ACOX3: variants seen among roughly 807,000 people sequenced by gnomAD.
The protein encoded by ACOX3 is acyl-CoA oxidase 3, pristanoyl.
A neutral mutation model predicts 81.5 loss-of-function variants in ACOX3; 73 were observed. That is an observed-to-expected ratio of 0.90 (90% confidence interval 0.74 to 1.09). The LOEUF (loss-of-function observed/expected upper bound fraction) is 1.09. ACOX3 is among the 50% of genes least tolerant of loss of function. The pLI is 0.00. For synonymous variants in ACOX3, 387 were observed against 375.1 expected (o/e 1.03, Z -0.37); for missense variants, 947 against 928.0 (o/e 1.02, Z -0.27).
chr4:8,422,484 G>GT (rs1266976090), intron 1 of ACOX3, among the ~76,000 whole-genome samples: 2 of 152,122 alleles, frequency 1.3e-5, no homozygotes, highest in African/African-American at 2.4e-5. Flanking sequence ...GGCAACCTCG[G>GT]TTTTTTTCAC....
intron 1 of ACOX3, among the ~76,000 whole-genome samples, chr4:8,420,971 T>C (rs991210401): frequency 2.0e-5 from 3 of 152,208 alleles, no homozygotes; most frequent in African/African-American, 7.2e-5. Flanking sequence ...CCACGGCTTC[T>C]AATAGAGCTA....
chr4:8,413,268 A>T (rs1377647119), intron 5 of ACOX3, among the ~76,000 whole-genome samples: 1 of 56,164 alleles, frequency 1.8e-5, no homozygotes, highest in African/African-American at 7.5e-5. Context: ...ACCCCTCCAC[A>T]GCACTGACAG....
chr4:8,387,713 T>G (rs185624834), intron 13 of ACOX3, among the ~76,000 whole-genome samples: 1 of 152,286 alleles, frequency 6.6e-6, no homozygotes, highest in Admixed American at 6.5e-5. Flanking sequence ...CCCAGACCAC[T>G]GGGCAAGAAG....
In ACOX3 at chr4:8,423,427, C is replaced by A. The variant is rs943472432; in HGVS notation, c.-14-6892G>T. Among the ~76,000 whole-genome samples the A allele has an allele frequency of 6.6e-6, 1 of 152,154 alleles. No homozygotes were observed. The highest frequency in any genetic ancestry group is 2.4e-5 in the African/African-American group (1 of 41,420). ...GAATGCCCGTCCCGTTCAAGTTAAACTAAAGGATTCCGCCTCCTTTCCCCA... is the reference window on the plus strand; with the variant it reads ...GAATGCCCGTCCCGTTCAAGTTAAAATAAAGGATTCCGCCTCCTTTCCCCA... On this transcript the variant is annotated intron_variant, in intron 1 of 17. Transcript: ENST00000356406. The surrounding 1 kb of genome is among the most constrained non-coding windows in gnomAD (Gnocchi z 4.2).
chr4:8,422,252 G>T (rs1723027373), intron 1 of ACOX3, among the ~76,000 whole-genome samples: 1 of 152,116 alleles, frequency 6.6e-6, no homozygotes, highest in Non-Finnish European at 1.5e-5. Context: ...GAAAGAAAGA[G>T]AGAGATATAT....
At chr4:8,378,687 A>G (rs1032603696) in intron 14 of ACOX3, among the ~76,000 whole-genome samples, 2 of 152,236 alleles carry the variant, frequency 1.3e-5, no homozygotes, top group African/African-American at 4.8e-5. Context: ...GCTGTTGAAC[A>G]TGTAAAGGTG....
At chr4:8,372,984 C>A (rs1459823972) in intron 16 of ACOX3, among the ~76,000 whole-genome samples, 2 of 152,164 alleles carry the variant, frequency 1.3e-5, no homozygotes, top group Admixed American at 6.5e-5. Context: ...CTAAACAGCA[C>A]AGCACTGCAG....
chr4:8,408,891 T>TGGGGGGG (rs200811549), intron 6 of ACOX3, among the ~76,000 whole-genome samples: 41 of 25,786 alleles, frequency 1.6e-3, no homozygotes, highest in Admixed American at 2.0e-3. Context: ...GAGCCCTCAC[T>TGGGGGGG]GGGGGGGGGG....
At chr4:8,377,264 C>A (rs1235061028) in intron 14 of ACOX3, among the ~76,000 whole-genome samples, 1 of 152,222 alleles carries the variant, frequency 6.6e-6, no homozygotes, top group Non-Finnish European at 1.5e-5. Context: ...CCGCACCACT[C>A]TCCCCGTCGC....
rs374172345 is a variant in ACOX3 at position 8,376,382 on chromosome 4, T to C, written c.1654-1230A>G. On this transcript the variant is annotated intron_variant, in intron 14 of 17. Transcript: ENST00000356406. ...AAAAATCCAGCCAAGTGATGAAATA[T>C]GGTGTATGGGGGACTGACTGCTGCA... Among the ~76,000 whole-genome samples, 7 of 150,216 alleles carry C rather than the reference T, an allele frequency of 4.7e-5. No homozygotes were observed. In the East Asian group the frequency reaches 9.8e-4, roughly 21 times the overall value.
In ACOX3 at chr4:8,389,826, T is replaced by C; in HGVS notation, c.1301-92A>G. 6.5e-7 allele frequency: 1 copy of C among 1,533,278 alleles called. No homozygotes were observed. The highest frequency in any genetic ancestry group is 8.8e-7 in the Non-Finnish European group (1 of 1,131,560). The allele number at this position is 1,533,278 out of a possible 1,614,324, so 95.0% of individuals were successfully genotyped here. On this transcript the variant is annotated intron_variant, in intron 11 of 17. Transcript: ENST00000356406. The surrounding 1 kb of genome is among the most constrained non-coding windows in gnomAD (Gnocchi z 5.3). Reference sequence around the variant, plus strand: ...GAGAATTTAAAAAGCCTTAAGAGGCTGGGTGCGGTGGCTCACACCTGTAAT... The same window carrying C: ...GAGAATTTAAAAAGCCTTAAGAGGCCGGGTGCGGTGGCTCACACCTGTAAT...
In ACOX3 at chr4:8,375,010, G is replaced by T. The variant is rs751951822; in HGVS notation, c.1796C>A (p.Ser599Tyr). 1 of 1,542,280 alleles carries T rather than the reference G, an allele frequency of 6.5e-7. No homozygotes were observed. The highest frequency in any genetic ancestry group is 8.8e-7 in the Non-Finnish European group (1 of 1,139,882). The change falls in exon 15 of 18, where the codon TCC becomes TAC. Residue 599 changes from serine (S) to tyrosine (Y), a missense_variant. Ser to Tyr is a moderately radical substitution (Grantham distance 144, BLOSUM62 -2). Coordinates refer to ENST00000356406, the MANE Select transcript of ACOX3 (RefSeq NM_003501.3). ...GRLSALYALW[S>Y]LSRHAALLYR... ...GAGCAGGGCCGCGTGGCGGCTCAGG[G>T]ACCACAGGGCGTACAGAGCACTGAG...
intron 1 of ACOX3, among the ~76,000 whole-genome samples, chr4:8,429,063 C>T (rs1000164101): frequency 1.3e-5 from 2 of 152,198 alleles, no homozygotes; most frequent in Non-Finnish European, 2.9e-5. Context: ...CTTCCTCACT[C>T]GTGCACTCCG....
At chr4:8,361,633 G>A (rs77277763), downstream of ACOX3, among the ~76,000 whole-genome samples, 920 of 151,946 alleles carry the variant, frequency 6.1e-3, 33 homozygotes, top group East Asian at 0.083. Flanking sequence ...TTTTTTCTTC[G>A]AGCAAAAACC....
intron 9 of ACOX3, among the ~76,000 whole-genome samples, chr4:8,395,080 C>T (rs111927025): frequency 3.9e-5 from 6 of 152,290 alleles, no homozygotes; most frequent in African/African-American, 7.2e-5. Context: ...GCCAACTCCC[C>T]GGCACACGGA....
chr4:8,373,562 TG>T lies in ACOX3; in HGVS notation c.1894del (p.Gln632SerfsTer2), dbSNP rs1716536451. 3.1e-6 allele frequency: 5 copies of T among 1,613,800 alleles called. No individual in the cohort carries two copies. The highest frequency in any genetic ancestry group is 3.4e-6 in the Non-Finnish European group (4 of 1,179,956). On this transcript the variant is annotated frameshift_variant and splice_region_variant, in exon 16 of 18. Transcript: ENST00000356406. LOFTEE classifies it high-confidence loss of function. ...AACGCGACAGCACCCACGGCTCACC[TG>T]GGAACACAAAGCCAGGACGGCGCTC... is the stretch of plus-strand genomic sequence containing the variant. ...LESAVLALCS[Q>X]LKDDAVALVD... is the part of the protein sequence containing the mutation.
chr4:8,399,870 C>G lies in ACOX3; in HGVS notation c.777-218G>C, dbSNP rs1720167840. 6.6e-6 allele frequency among the ~76,000 whole-genome samples: 1 copy of G among 152,152 alleles called. No individual in the cohort carries two copies. Among genetic ancestry groups the G allele is most frequent in the South Asian group, 2.1e-4 (1 of 4,822 alleles). On this transcript the variant is annotated intron_variant, in intron 7 of 17. Coordinates refer to ENST00000356406, the MANE Select transcript of ACOX3 (RefSeq NM_003501.3). This position sits in a 1 kb window ranked among gnomAD's most constrained non-coding sequence, Gnocchi z 4.9. The stretch of plus-strand genomic sequence containing the variant: ...ATCCCAACTCTTTGGAAGACTGAGG[C>G]AGGAGGATTGCTTGAGCCCAGGAGT...
rs77788573 is a variant in ACOX3 at position 8,399,132 on chromosome 4, G to A, written c.873+424C>T. On this transcript the variant is annotated intron_variant, in intron 8 of 17. Coordinates refer to ENST00000356406, the MANE Select transcript of ACOX3 (RefSeq NM_003501.3). This position sits in a 1 kb window ranked among gnomAD's most constrained non-coding sequence, Gnocchi z 4.9. ...GTCATCAGCTATGACCTGGGCCATC[G>A]CTCCCCAGGACCACGGTCTCTCTTC... Among the ~76,000 whole-genome samples the A allele has an allele frequency of 5.8e-3, 887 of 152,272 alleles. 6 individuals carry two copies. Among genetic ancestry groups the A allele is most frequent in the Non-Finnish European group, 7.4e-3 (500 of 68,018 alleles).
the ACOX3 span, among the ~76,000 whole-genome samples, chr4:8,360,021 A>C: frequency 6.6e-6 from 1 of 152,194 alleles, no homozygotes; most frequent in Non-Finnish European, 1.5e-5. Context: ...ACAGCTCAGC[A>C]AACTGGTCAA....
Sources: gnomAD v4.1 joint callset for allele counts (sites outside exome capture counted in the v4.1 genomes callset) on GRCh38, gnomAD v4.1.1 for gene constraint, Gnocchi (gnomAD v3.1) non-coding constraint, MANE v1.5 for transcripts, NCBI Gene and HGNC (gene_info 2026-07-23, HGNC 2026-07-21) for gene names.